USP7: variants seen among roughly 807,000 people sequenced by gnomAD.
The protein encoded by USP7 is ubiquitin C-terminal hydrolase 7.
A neutral mutation model predicts 162.9 loss-of-function variants in USP7; 9 were observed. The ratio of observed to expected loss-of-function variants is 0.06; its 90% confidence interval spans 0.03 to 0.10. The LOEUF (loss-of-function observed/expected upper bound fraction) is 0.10, where lower values mean the gene tolerates loss of function less well. USP7 is among the 10% of genes least tolerant of loss of function. USP7 has a pLI of 1.00. For missense variants in USP7, 715 were observed against 1,373.7 expected (o/e 0.52, Z 7.58); for synonymous variants, 562 against 475.9 (o/e 1.18, Z -2.35).
At chr16:8,899,070 T>G (rs746155820) in intron 23 of USP7, 51 bp downstream of exon 23, 5 of 1,565,048 alleles carry the variant, frequency 3.2e-6, no homozygotes, top group Middle Eastern at 1.7e-4. Context: ...TTCAATGAAC[T>G]GTGGAAAGCA....
chr16:8,914,984 G>C (rs2062006698), intron 10 of USP7, among the ~76,000 whole-genome samples: 1 of 152,162 alleles, frequency 6.6e-6, no homozygotes, highest in East Asian at 1.9e-4. Flanking sequence ...CCTAAAACAT[G>C]CAAAGTTAAC....
intron 26 of USP7, among the ~76,000 whole-genome samples, chr16:8,895,958 TC>T (rs796360379): frequency 1.9e-4 from 28 of 151,066 alleles, no homozygotes; most frequent in African/African-American, 6.3e-4. Context: ...CACCTCAGCC[TC>T]CCGAGTAGTT....
chr16:8,920,349 A>G lies in USP7; in HGVS notation c.611+10T>C, dbSNP rs756009144. 1 of 1,602,048 alleles carries G rather than the reference A, an allele frequency of 6.2e-7. No individual in the cohort carries two copies. Among genetic ancestry groups the G allele is most frequent in the South Asian group, 1.1e-5 (1 of 88,306 alleles). On this transcript the variant is annotated intron_variant, in intron 5 of 30. Transcript: ENST00000344836. ...CATTTTTAACAGCACCTGATTAAAG[A>G]AAAACTTACGCAACTCCATGGGGAG...
At chr16:8,895,844 T>G (rs2061673305) in intron 26 of USP7, 103 bp from the exon 27 acceptor site, 3 of 785,158 alleles carry the variant, frequency 3.8e-6, no homozygotes, top group Non-Finnish European at 5.7e-6. Flanking sequence ...GATATGTTTT[T>G]TTTTTTTTTT....
Position 8,897,162 on chromosome 16 carries a change from G to T in USP7, c.2719-63C>A, listed in dbSNP as rs942396636. The T allele has an allele frequency of 2.0e-5, 26 of 1,277,472 alleles. No homozygotes were observed. In the Admixed American group the frequency reaches 4.5e-4, roughly 22 times the overall value. 79.1% of individuals were successfully genotyped at this position (1,277,472 alleles called of 1,614,324 possible). A position where few individuals can be genotyped will look rare whatever the true frequency, so the allele number is the denominator to read the frequency against. ...AGCATAAAAGGTCTGCTACCACAAA[G>T]GAAGAGAGGAGAAAGTTGCATCATT... On this transcript the variant is annotated intron_variant, in intron 25 of 30. Coordinates refer to ENST00000344836, the MANE Select transcript of USP7 (RefSeq NM_003470.3).
chr16:8,956,657 G>A (rs1329874814), intron 1 of USP7, among the ~76,000 whole-genome samples: 1 of 152,076 alleles, frequency 6.6e-6, no homozygotes, highest in Admixed American at 6.6e-5. Context: ...CAGCTACTCG[G>A]GAGGCTGAGG....
At position 8,963,603 on chromosome 16, in the gene USP7, C is replaced by CGCCGGG. The variant is rs1025588275; in HGVS notation, c.-324_-319dup. The CGCCGGG allele has an allele frequency of 1.6e-4, 23 of 140,586 alleles. No homozygotes were observed. The highest frequency in any genetic ancestry group is 2.3e-4 in the Non-Finnish European group (15 of 63,846). 8.7% of individuals were successfully genotyped at this position (140,586 alleles called of 1,614,324 possible). A position where few individuals can be genotyped will look rare whatever the true frequency, so the allele number is the denominator to read the frequency against. ...CGCCGCCGCGGGGCCCGCCTCCCGC[C>CGCCGGG]GCCGGGGCCGGGGCCGGGGCTGCGG... On this transcript the variant is annotated 5_prime_UTR_variant, in exon 1 of 31. Coordinates refer to ENST00000344836, the MANE Select transcript of USP7 (RefSeq NM_003470.3).
At chr16:8,948,374 G>A (rs752495266) in intron 1 of USP7, among the ~76,000 whole-genome samples, 2 of 151,998 alleles carry the variant, frequency 1.3e-5, no homozygotes, top group East Asian at 1.9e-4. Context: ...TTGTAGAGAC[G>A]AGTTTTCACC....
rs77059570 is a variant in USP7, at chr16:8,955,910, T to C, written c.79+7297A>G. 1.9e-3 allele frequency among the ~76,000 whole-genome samples: 296 copies of C among 152,202 alleles called. 2 individuals carry two copies. Among genetic ancestry groups the C allele is most frequent in the African/African-American group, 6.8e-3 (281 of 41,516 alleles). On this transcript the variant is annotated intron_variant, in intron 1 of 30. Transcript: ENST00000344836. ...ATGGTGTCCCTTGGAAACACACCTC[T>C]CAACTTTTTCTGAAGTACTGTGAAT...
rs141380736 is a variant in USP7 at position 8,925,190 on chromosome 16, AAT to A, written c.185-1779_185-1778del. Among the ~76,000 whole-genome samples the A allele has an allele frequency of 2.3e-3, 356 of 152,330 alleles. 1 individual carries two copies. The highest frequency in any genetic ancestry group is 8.3e-3 in the African/African-American group (346 of 41,570). On this transcript the variant is annotated intron_variant, in intron 2 of 30. Transcript: ENST00000344836. ...CGCCGAGGCTGTTTTACAAAGTGACAATAGAGGATTTTAATATCCAAGATTTG... is the reference window on the plus strand; with the variant it reads ...CGCCGAGGCTGTTTTACAAAGTGACAAGAGGATTTTAATATCCAAGATTTG...
intron 1 of USP7, among the ~76,000 whole-genome samples, chr16:8,937,930 G>A (rs1216574140): frequency 2.6e-5 from 4 of 152,144 alleles, no homozygotes; most frequent in Non-Finnish European, 5.9e-5. Flanking sequence ...GACCACGTGA[G>A]AAGGAACTAC....
At chr16:8,963,169 G>A in intron 1 of USP7, 38 bp downstream of exon 1, 5 of 1,384,782 alleles carry the variant, frequency 3.6e-6, no homozygotes, top group South Asian at 1.3e-5. Context: ...AATGAAAGGC[G>A]CCCCCCGGCC....
intron 13 of USP7, among the ~76,000 whole-genome samples, chr16:8,906,040 A>G (rs1204416818): frequency 6.6e-6 from 1 of 152,224 alleles, no homozygotes. Context: ...TGAAGACTGC[A>G]TGAGATCCCC....
intron 1 of USP7, among the ~76,000 whole-genome samples, chr16:8,938,613 G>T (rs1333931070): frequency 1.3e-5 from 2 of 151,974 alleles, no homozygotes; most frequent in Non-Finnish European, 2.9e-5. Flanking sequence ...TCCGGAGGCT[G>T]AGGCAGGAGA....
At chr16:8,909,554 C>A (rs2061911402) in intron 11 of USP7, among the ~76,000 whole-genome samples, 1 of 152,188 alleles carries the variant, frequency 6.6e-6, no homozygotes, top group Admixed American at 6.5e-5. Context: ...CTCAACCAGA[C>A]CCTAAAACAT....
intron 15 of USP7, 139 bp from the exon 16 acceptor site, chr16:8,903,541 A>G: frequency 8.7e-7 from 1 of 1,145,830 alleles, no homozygotes; most frequent in South Asian, 1.8e-5. Context: ...AATGAAGAAA[A>G]ACCGCATAAA....
chr16:8,936,377 C>A (rs1293560952), intron 1 of USP7, among the ~76,000 whole-genome samples: 1 of 152,150 alleles, frequency 6.6e-6, no homozygotes, highest in Non-Finnish European at 1.5e-5. Context: ...ATCTCCTCTC[C>A]CCACAATGAA....
Position 8,893,918 on chromosome 16 carries a change from G to C in USP7, c.*80C>G, listed in dbSNP as rs1311299397. 4 of 1,237,040 alleles carry C rather than the reference G, an allele frequency of 3.2e-6. No individual in the cohort carries two copies. The highest frequency in any genetic ancestry group is 2.3e-5 in the East Asian group (1 of 42,938). 76.6% of individuals were successfully genotyped at this position (1,237,040 alleles called of 1,614,324 possible). ...ATCCTCTTGCTGAAGACTTCGGCTAGAGGGCACGTGCACCAAAGTTCTAGG... is the reference window on the plus strand; with the variant it reads ...ATCCTCTTGCTGAAGACTTCGGCTACAGGGCACGTGCACCAAAGTTCTAGG... On this transcript the variant is annotated 3_prime_UTR_variant, in exon 31 of 31. Coordinates refer to ENST00000344836, the MANE Select transcript of USP7 (RefSeq NM_003470.3).
At chr16:8,895,565 C>G in intron 27 of USP7, 77 bp downstream of exon 27, 1 of 1,207,828 alleles carries the variant, frequency 8.3e-7, no homozygotes, top group Non-Finnish European at 1.2e-6. Flanking sequence ...ACTTGTACAA[C>G]TTGCTGTGAT....
Sources: gnomAD v4.1 joint callset for allele counts (sites outside exome capture counted in the v4.1 genomes callset) on GRCh38, gnomAD v4.1.1 for gene constraint, MANE v1.5 for transcripts, NCBI Gene and HGNC (gene_info 2026-07-23, HGNC 2026-07-21) for gene names.